Variants in SLC24A3 observed in about 807,000 individuals in gnomAD.
SLC24A3 encodes the protein sodium/potassium/calcium exchanger 3.
In SLC24A3, 28 loss-of-function variants were observed where a neutral mutation model predicts 75.8. The observed-to-expected ratio is 0.37, with a 90% confidence interval of 0.27 to 0.51. The LOEUF is 0.51. SLC24A3 is among the 20% of genes least tolerant of loss of function. The probability of loss-of-function intolerance (pLI) is 0.94; values close to 1 mark genes in which losing one functional copy is unlikely to be tolerated. For synonymous variants in SLC24A3, 372 were observed against 334.1 expected (o/e 1.11, Z -1.24); for missense variants, 663 against 847.8 (o/e 0.78, Z 2.71).
chr20:19,400,772 C>G (rs1294960900), intron 2 of SLC24A3, among the ~76,000 whole-genome samples: 1 of 152,230 alleles, frequency 6.6e-6, no homozygotes, highest in Non-Finnish European at 1.5e-5. Flanking sequence ...TCTCTCAAAG[C>G]AGTAAGCAGA....
intron 2 of SLC24A3, among the ~76,000 whole-genome samples, chr20:19,511,551 T>C (rs1296944622): frequency 6.6e-6 from 1 of 152,058 alleles, no homozygotes; most frequent in African/African-American, 2.4e-5. Flanking sequence ...ATGGTCTCAA[T>C]CTCCTGACCT....
intron 2 of SLC24A3, among the ~76,000 whole-genome samples, chr20:19,442,797 T>C (rs1339231075): frequency 1.3e-5 from 2 of 152,186 alleles, no homozygotes; most frequent in African/African-American, 2.4e-5. Context: ...TTTTCTCTTA[T>C]GTTATCTTCC....
At chr20:19,652,253 C>T (rs901394667) in intron 6 of SLC24A3, among the ~76,000 whole-genome samples, 5 of 152,110 alleles carry the variant, frequency 3.3e-5, no homozygotes, top group Admixed American at 1.3e-4. Flanking sequence ...ATAACAAGAA[C>T]GGTAATGGTA....
chr20:19,268,577 A>G (rs1234405311), intron 1 of SLC24A3, among the ~76,000 whole-genome samples: 1 of 152,216 alleles, frequency 6.6e-6, no homozygotes, highest in East Asian at 1.9e-4. Context: ...CAACAGCTTA[A>G]AGTTCATGAT....
chr20:19,481,911 T>C (rs1197246247), intron 2 of SLC24A3, among the ~76,000 whole-genome samples: 2 of 152,010 alleles, frequency 1.3e-5, no homozygotes, highest in African/African-American at 4.8e-5. Context: ...GGAAAAGCCA[T>C]AGGCTTTTCA....
At chr20:19,221,740 C>T (rs187689587) in intron 1 of SLC24A3, among the ~76,000 whole-genome samples, 31 of 152,252 alleles carry the variant, frequency 2.0e-4, no homozygotes, top group African/African-American at 2.9e-4. Flanking sequence ...ATCCACCCCC[C>T]GCCTCACCCC....
At chr20:19,235,798 C>G (rs1188269594) in intron 1 of SLC24A3, among the ~76,000 whole-genome samples, 1 of 152,196 alleles carries the variant, frequency 6.6e-6, no homozygotes, top group Non-Finnish European at 1.5e-5. Context: ...TCTCCATTAC[C>G]TACAAGGTGC....
At chr20:19,223,136 T>C (rs977932183) in intron 1 of SLC24A3, among the ~76,000 whole-genome samples, 4 of 151,948 alleles carry the variant, frequency 2.6e-5, no homozygotes, top group Admixed American at 6.6e-5. Flanking sequence ...CTACTAAAAA[T>C]ACAAAATTAA....
intron 2 of SLC24A3, among the ~76,000 whole-genome samples, chr20:19,367,425 A>G (rs914298267): frequency 1.3e-5 from 2 of 152,216 alleles, no homozygotes; most frequent in African/African-American, 4.8e-5. Flanking sequence ...TTCCTTATTA[A>G]CAAACAGGCT....
At chr20:19,569,190 T>C (rs968861679) in intron 3 of SLC24A3, among the ~76,000 whole-genome samples, 1 of 152,204 alleles carries the variant, frequency 6.6e-6, no homozygotes, top group Non-Finnish European at 1.5e-5. Flanking sequence ...GGATGTAAGA[T>C]GCCATATCAG....
intron 12 of SLC24A3, 146 bp from the exon 13 acceptor site, chr20:19,693,113 T>C (rs2032763837): frequency 1.6e-5 from 14 of 895,240 alleles, no homozygotes; most frequent in Non-Finnish European, 2.2e-5. Context: ...TGGAAAGTCA[T>C]TTGAATGTTT....
chr20:19,343,900 A>C (rs1478582103), intron 2 of SLC24A3, among the ~76,000 whole-genome samples: 28 of 152,206 alleles, frequency 1.8e-4, no homozygotes, highest in Non-Finnish European at 1.5e-5. Context: ...GAAATGTTAC[A>C]GCATAAAGGG....
intron 2 of SLC24A3, among the ~76,000 whole-genome samples, chr20:19,303,500 G>A (rs1265282612): frequency 6.6e-6 from 1 of 152,190 alleles, no homozygotes; most frequent in Non-Finnish European, 1.5e-5. Flanking sequence ...ATGGTAGAAT[G>A]ATTTATGTTC....
chr20:19,303,642 A>C (rs547088174), intron 2 of SLC24A3, among the ~76,000 whole-genome samples: 19 of 152,288 alleles, frequency 1.2e-4, no homozygotes, highest in Non-Finnish European at 2.1e-4. Flanking sequence ...CAGGAAAGGG[A>C]GTGAATTGAA....
chr20:19,394,358 G>A (rs1376437157), intron 2 of SLC24A3, among the ~76,000 whole-genome samples: 1 of 152,010 alleles, frequency 6.6e-6, no homozygotes, highest in African/African-American at 2.4e-5. Context: ...TATCTAAATT[G>A]GACTGCATCC....
Position 19,603,085 on chromosome 20 carries a change from C to T in SLC24A3, c.612+17541C>T, listed in dbSNP as rs551884246. Among the ~76,000 whole-genome samples the T allele has an allele frequency of 4.0e-4, 61 of 152,316 alleles. 1 individual carries two copies. The highest frequency in any genetic ancestry group is 1.4e-3 in the African/African-American group (57 of 41,568). On this transcript the variant is annotated intron_variant, in intron 6 of 16. Coordinates refer to ENST00000328041, the MANE Select transcript of SLC24A3 (RefSeq NM_020689.4). ...AAAGTCCTGAAATCACACAGCGTGG[C>T]ACTAGTCATGGAACCAAAGTTCATC...
chr20:19,638,963 G>T (rs1339445979), intron 6 of SLC24A3, among the ~76,000 whole-genome samples: 2 of 152,152 alleles, frequency 1.3e-5, no homozygotes, highest in African/African-American at 4.8e-5. Context: ...AAGACTCATT[G>T]CAAAGAGTGA....
At chr20:19,265,003 C>T in intron 1 of SLC24A3, among the ~76,000 whole-genome samples, 1 of 152,160 alleles carries the variant, frequency 6.6e-6, no homozygotes, top group East Asian at 1.9e-4. Context: ...GGATTCTCTC[C>T]AGAATAAACT....
intron 2 of SLC24A3, among the ~76,000 whole-genome samples, chr20:19,444,274 G>T (rs1987344737): frequency 6.6e-6 from 1 of 152,132 alleles, no homozygotes; most frequent in African/African-American, 2.4e-5. Context: ...ATGTTCATGA[G>T]ACATATTAGT....
Sources: allele counts gnomAD v4.1 joint callset (sites outside exome capture counted in the v4.1 genomes callset), GRCh38; gene constraint gnomAD v4.1.1; transcripts MANE v1.5; gene names NCBI Gene and HGNC (gene_info 2026-07-23, HGNC 2026-07-21).